Variants in DNAH9 observed in about 807,000 individuals in gnomAD.
The protein encoded by DNAH9 is dynein axonemal heavy chain 9.
A neutral mutation model predicts 471.6 loss-of-function variants in DNAH9; 345 were observed. The ratio of observed to expected loss-of-function variants is 0.73; its 90% CI spans 0.67 to 0.80. The LOEUF is 0.80. DNAH9 is among the 30% of genes least tolerant of loss of function. The pLI is 0.00. For synonymous variants in DNAH9, 2,093 were observed against 2,123.6 expected, an observed-to-expected ratio of 0.99 and a Z score of 0.40; for missense variants, 5,407 against 5,609.2, an observed-to-expected ratio of 0.96 and a Z score of 1.15.
chr17:11,671,631 A>G (rs1260322072), intron 17 of DNAH9, among the ~76,000 whole-genome samples: 3 of 152,178 alleles, frequency 2.0e-5, no homozygotes, highest in Non-Finnish European at 2.9e-5. Flanking sequence ...GGACTCTGGA[A>G]TAGTTGGTTT....
intron 2 of DNAH9, among the ~76,000 whole-genome samples, chr17:11,608,626 A>C (rs1302371542): frequency 1.3e-5 from 2 of 152,150 alleles, no homozygotes; most frequent in East Asian, 3.9e-4. Context: ...TATTTTGCTT[A>C]TCAGGATAGT....
At chr17:11,810,478 G>C in intron 45 of DNAH9, 109 bp downstream of exon 45, 1 of 1,402,758 alleles carries the variant, frequency 7.1e-7, no homozygotes, top group Non-Finnish European at 9.6e-7. Context: ...ATAGTAATGA[G>C]GAAGAAAACT....
chr17:11,881,285 C>T lies in DNAH9; in HGVS notation c.10678C>T (p.Pro3560Ser). ...CATCCTCCACACCAAGCTGGCTAATCCTCACTACCAGCCTGAGCTGCAGGC... is the reference window on the plus strand; with the variant it reads ...CATCCTCCACACCAAGCTGGCTAATTCTCACTACCAGCCTGAGCTGCAGGC... ...RLILHTKLAN[P>S]HYQPELQAQA... The change falls in exon 55 of 69, where the codon CCT (proline) becomes TCT (serine). Residue 3560 changes from proline to serine, a missense_variant. This residue lies in a region of DNAH9 where 4,636 missense variants were observed against 4,900.3 expected (regional missense o/e 0.95). Coordinates refer to ENST00000262442, the MANE Select transcript of DNAH9 (RefSeq NM_001372.4). The T allele has an allele frequency of 6.2e-7, 1 of 1,614,202 alleles. No individual in the cohort carries two copies. Among genetic ancestry groups the T allele is most frequent in the Non-Finnish European group, 8.5e-7 (1 of 1,180,042 alleles).
At chr17:11,651,850 C>G (rs544987501) in intron 13 of DNAH9, among the ~76,000 whole-genome samples, 53 of 152,090 alleles carry the variant, frequency 3.5e-4, no homozygotes, top group Non-Finnish European at 2.1e-4. Context: ...TACAACATAA[C>G]TTATACAGAG....
intron 55 of DNAH9, chr17:11,883,096 G>A (rs906672944): frequency 5.7e-5 from 56 of 987,458 alleles, no homozygotes; most frequent in East Asian, 1.1e-4. Context: ...CTCCAGCCTC[G>A]AGGAAGCTTT....
rs1973983898 is a variant in DNAH9 at position 11,917,117 on chromosome 17, C to T, written c.11750-6697C>T. 3.3e-5 allele frequency among the ~76,000 whole-genome samples: 5 copies of T among 151,952 alleles called. No individual in the cohort carries two copies. The South Asian group carries it at 1.0e-3, about 32-fold the overall frequency. On this transcript the variant is annotated intron_variant, in intron 61 of 68. Coordinates refer to ENST00000262442, the MANE Select transcript of DNAH9 (RefSeq NM_001372.4). Reference sequence around the variant, plus strand: ...GAGTGGGGAAGGGGAAAATTCCATCCACTCTTCTTGGCCTCTGTTTTCTAT... The same window carrying T: ...GAGTGGGGAAGGGGAAAATTCCATCTACTCTTCTTGGCCTCTGTTTTCTAT...
chr17:11,699,026 G>A (rs532694505), intron 22 of DNAH9, among the ~76,000 whole-genome samples: 7 of 152,140 alleles, frequency 4.6e-5, no homozygotes, highest in Admixed American at 6.5e-5. Context: ...CAAGGGGGGC[G>A]GATCACGAGA....
At chr17:11,735,683 C>T (rs2075335851) in intron 28 of DNAH9, among the ~76,000 whole-genome samples, 1 of 152,194 alleles carries the variant, frequency 6.6e-6, no homozygotes, top group Non-Finnish European at 1.5e-5. Context: ...GATCCGCCCG[C>T]CTCGGCCTCC....
intron 67 of DNAH9, among the ~76,000 whole-genome samples, chr17:11,961,167 T>C (rs1597889391): frequency 6.6e-6 from 1 of 151,870 alleles, no homozygotes; most frequent in Non-Finnish European, 1.5e-5. Context: ...ATACAAAAAT[T>C]AGCCGGGTGT....
chr17:11,864,993 C>G (rs1971991529), intron 50 of DNAH9, among the ~76,000 whole-genome samples: 1 of 152,148 alleles, frequency 6.6e-6, no homozygotes, highest in African/African-American at 2.4e-5. Context: ...CAGTCTGTGT[C>G]TTTTAATTGG....
At chr17:11,645,437 G>T (rs990801142) in intron 11 of DNAH9, among the ~76,000 whole-genome samples, 2 of 152,170 alleles carry the variant, frequency 1.3e-5, no homozygotes, top group Non-Finnish European at 2.9e-5. Flanking sequence ...AACTGCTGCA[G>T]TGGCTTCCTA....
chr17:11,810,281 G>A lies in DNAH9; in HGVS notation c.8619G>A (p.Val2873=), dbSNP rs1329401354. The A allele has an allele frequency of 6.2e-7, 1 of 1,613,544 alleles. No individual in the cohort carries two copies. The highest frequency in any genetic ancestry group is 1.7e-5 in the Admixed American group (1 of 59,926). ...DLASLCLKAG[V]KNLNTVFLMT... ...CCAGCCTGTGTCTGAAAGCTGGAGTGAAGAATCTCAACACAGTGTTTCTCA... is the reference window on the plus strand; with the variant it reads ...CCAGCCTGTGTCTGAAAGCTGGAGTAAAGAATCTCAACACAGTGTTTCTCA... The change falls in exon 45 of 69, where the codon GTG becomes GTA. Residue 2873 remains valine, a synonymous_variant. Transcript: ENST00000262442.
In DNAH9 at chr17:11,611,891, G is replaced by A. The variant is rs8082601; in HGVS notation, c.904+111G>A. Reference sequence around the variant, plus strand: ...CAACTTCAAGTCCTTGTAAATTTCCGACCCGACACAAACTAGCATGGTGGC... The same window carrying A: ...CAACTTCAAGTCCTTGTAAATTTCCAACCCGACACAAACTAGCATGGTGGC... On this transcript the variant is annotated intron_variant, in intron 4 of 68. Transcript: ENST00000262442. 4,763 of 1,051,740 alleles carry A rather than the reference G, an allele frequency of 4.5e-3. 111 individuals are homozygous for A. The African/African-American group carries it at 0.053, about 12-fold the overall frequency. The allele number at this position is 1,051,740 out of a possible 1,614,324, so 65.2% of individuals were successfully genotyped here.
Position 11,664,896 on chromosome 17 carries a change from A to G in DNAH9, c.2659A>G (p.Ile887Val), listed in dbSNP as rs763043618. 8 of 1,612,534 alleles carry G rather than the reference A, an allele frequency of 5.0e-6. No homozygotes were observed. Among genetic ancestry groups the G allele is most frequent in the Middle Eastern group, 3.3e-4 (2 of 6,084 alleles). ...TATCTGGAAGACTTATGTTAACTCT[A>G]TTGACAATTTGTTGCTGAATGGATT... ...SNIWKTYVNS[I>V]DNLLLNGFFL... is the part of the protein sequence containing the mutation. Residue 887 changes from isoleucine to valine, a missense_variant, in exon 15 of 69, where the codon ATT becomes GTT. Physicochemically the swap from Ile to Val is conservative, Grantham distance 29 (BLOSUM62 3). Coordinates refer to ENST00000262442, the MANE Select transcript of DNAH9 (RefSeq NM_001372.4).
intron 68 of DNAH9, among the ~76,000 whole-genome samples, chr17:11,963,788 GTATT>G (rs1383752967): frequency 9.9e-5 from 15 of 152,196 alleles, no homozygotes; most frequent in African/African-American, 3.6e-4. Flanking sequence ...AGTAGGAAAT[GTATT>G]CATTCATTCC....
intron 45 of DNAH9, among the ~76,000 whole-genome samples, chr17:11,816,538 C>T (rs1369092526): frequency 6.6e-6 from 1 of 152,202 alleles, no homozygotes; most frequent in South Asian, 2.1e-4. Flanking sequence ...CACTCACTTG[C>T]GTTTTCTCCT....
intron 31 of DNAH9, among the ~76,000 whole-genome samples, chr17:11,745,674 A>C (rs1241266180): frequency 6.6e-6 from 1 of 152,246 alleles, no homozygotes; most frequent in East Asian, 1.9e-4. Flanking sequence ...TCTTTGAAGG[A>C]AATTTTAAAA....
At chr17:11,812,155 G>T (rs1261248763) in intron 45 of DNAH9, among the ~76,000 whole-genome samples, 1 of 146,620 alleles carries the variant, frequency 6.8e-6, no homozygotes, top group East Asian at 2.0e-4. Flanking sequence ...GAAAGAATAC[G>T]CTTTCTTGGC....
chr17:11,719,531 T>C, intron 27 of DNAH9, 41 bp downstream of exon 27: 1 of 1,545,366 alleles, frequency 6.5e-7, no homozygotes, highest in South Asian at 1.2e-5. Context: ...GGGTGGGGGA[T>C]AGGAACTCAG....
Sources: gnomAD v4.1 joint callset for allele counts (sites outside exome capture counted in the v4.1 genomes callset) on GRCh38, gnomAD v4.1.1 for gene constraint, gnomAD v4.1.1 regional missense constraint, MANE v1.5 for transcripts, NCBI Gene and HGNC (gene_info 2026-07-23, HGNC 2026-07-21) for gene names.